Variants in PPP1R9A observed in about 807,000 individuals in gnomAD.
The protein encoded by PPP1R9A is protein phosphatase 1 regulatory subunit 9A, also known as neurabin-1.
A neutral mutation model predicts 141.9 loss-of-function variants in PPP1R9A; 59 were observed. That is an observed-to-expected ratio of 0.42 (90% CI 0.34 to 0.52). The LOEUF is 0.52. PPP1R9A is among the 20% of genes least tolerant of loss of function. The pLI is 0.10. For synonymous variants in PPP1R9A, 500 were observed against 569.7 expected (o/e 0.88, Z 1.74); for missense variants, 1,444 against 1,611.9 (o/e 0.90, Z 1.78).
chr7:95,024,856 A>G (rs1806572328), intron 2 of PPP1R9A, among the ~76,000 whole-genome samples: 1 of 152,102 alleles, frequency 6.6e-6, no homozygotes. Flanking sequence ...TAGTTGATGC[A>G]GTTTCTTCCT....
chr7:94,961,867 T>A (rs1319633182), intron 2 of PPP1R9A, among the ~76,000 whole-genome samples: 2 of 151,896 alleles, frequency 1.3e-5, no homozygotes, highest in Non-Finnish European at 2.9e-5. Flanking sequence ...TGTCAGAGGG[T>A]GGTCATTTTG....
At position 95,269,473 on chromosome 7, in the gene PPP1R9A, C is replaced by G. The variant is rs372421329; in HGVS notation, c.3090C>G (p.His1030Gln). The change falls in exon 14 of 20, where the codon CAC becomes CAG. Residue 1030 changes from histidine to glutamine, a missense_variant. This residue lies in a region of PPP1R9A where 459 missense variants were observed against 513.8 expected (regional missense o/e 0.89). Coordinates refer to ENST00000433360, the MANE Select transcript of PPP1R9A (RefSeq NM_001166160.2). ...ATGTGGAAGAATCTCCTTGCCATCA[C>G]CAAACCACCAACAAGAAAATATTAC... ...DHDVEESPCH[H>Q]QTTNKKILRE... The G allele has an allele frequency of 1.3e-6, 2 of 1,582,660 alleles. No homozygotes were observed. Among genetic ancestry groups the G allele is most frequent in the African/African-American group, 1.3e-5 (1 of 74,452 alleles).
chr7:95,188,602 T>G (rs1834999091), intron 5 of PPP1R9A, among the ~76,000 whole-genome samples: 1 of 27,770 alleles, frequency 3.6e-5, no homozygotes, highest in Non-Finnish European at 6.4e-5. Context: ...TGTGTTTTGT[T>G]TTTTTTTTTT....
chr7:95,045,314 T>C (rs775227850), intron 2 of PPP1R9A, among the ~76,000 whole-genome samples: 21 of 152,172 alleles, frequency 1.4e-4, no homozygotes, highest in Non-Finnish European at 2.6e-4. Flanking sequence ...AACGGGCACT[T>C]TGGAGGTCAA....
At chr7:95,139,361 C>T (rs1217141725) in intron 4 of PPP1R9A, among the ~76,000 whole-genome samples, 3 of 152,166 alleles carry the variant, frequency 2.0e-5, no homozygotes, top group Non-Finnish European at 4.4e-5. Flanking sequence ...CCCCATGATT[C>T]AATTACCTCC....
intron 2 of PPP1R9A, among the ~76,000 whole-genome samples, chr7:94,956,728 T>A (rs189547050): frequency 1.3e-5 from 2 of 152,110 alleles, no homozygotes; most frequent in African/African-American, 4.8e-5. Flanking sequence ...AAAAGTGGTA[T>A]GTAGAGATGG....
At chr7:94,908,664 C>CCCCCGCCTCCTTGGGTTGG (rs1791087167) in intron 1 of PPP1R9A, 1 of 152,266 alleles carries the variant, frequency 6.6e-6, no homozygotes, top group African/African-American at 2.4e-5. Flanking sequence ...ATCTCCCCCG[C>CCCCCGCCTCCTTGGGTTGG]CCCCGCCTCC....
intron 2 of PPP1R9A, among the ~76,000 whole-genome samples, chr7:95,052,831 C>T (rs1811006050): frequency 1.3e-5 from 2 of 152,122 alleles, no homozygotes; most frequent in African/African-American, 2.4e-5. Context: ...TTTCCCTCAC[C>T]TTATGTGTCC....
intron 2 of PPP1R9A, among the ~76,000 whole-genome samples, chr7:95,004,905 C>T (rs779385334): frequency 6.6e-6 from 1 of 152,192 alleles, no homozygotes; most frequent in Non-Finnish European, 1.5e-5. Context: ...CATATCTTAA[C>T]AAAGATCTGT....
chr7:95,216,105 G>A (rs575123351), intron 7 of PPP1R9A, among the ~76,000 whole-genome samples: 2 of 152,216 alleles, frequency 1.3e-5, no homozygotes, highest in East Asian at 3.9e-4. Flanking sequence ...TATGGTTTTA[G>A]GTCTAACATT....
At chr7:95,152,782 C>T (rs1186938525) in intron 4 of PPP1R9A, among the ~76,000 whole-genome samples, 4 of 151,582 alleles carry the variant, frequency 2.6e-5, no homozygotes, top group Non-Finnish European at 5.9e-5. Context: ...ATAATAATGC[C>T]TATCATGCAC....
intron 2 of PPP1R9A, among the ~76,000 whole-genome samples, chr7:95,008,900 C>G (rs1249567240): frequency 6.6e-6 from 1 of 152,060 alleles, no homozygotes; most frequent in Non-Finnish European, 1.5e-5. Flanking sequence ...TGGAACCAAC[C>G]CAAATGTCCA....
chr7:95,206,660 C>T (rs1790863871), intron 7 of PPP1R9A, among the ~76,000 whole-genome samples: 1 of 152,108 alleles, frequency 6.6e-6, no homozygotes, highest in African/African-American at 2.4e-5. Flanking sequence ...TTCTCCAATT[C>T]TAGAATGTAA....
At chr7:95,101,544 C>T (rs1818799211) in intron 2 of PPP1R9A, among the ~76,000 whole-genome samples, 1 of 152,150 alleles carries the variant, frequency 6.6e-6, no homozygotes, top group Admixed American at 6.5e-5. Flanking sequence ...AGTAAAATGG[C>T]TCAGTCAAGA....
chr7:95,288,693 T>A lies in PPP1R9A; in HGVS notation c.3887T>A (p.Leu1296Gln). Residue 1296 changes from leucine to glutamine, a missense_variant, in exon 19 of 20, where the codon CTG becomes CAG. Physicochemically the swap from Leu to Gln is moderately radical, Grantham distance 113. Coordinates refer to ENST00000433360, the MANE Select transcript of PPP1R9A (RefSeq NM_001166160.2). Reference protein sequence around the residue: ...SAQNITGEQLLQLDGNKLKAL... With the variant: ...SAQNITGEQLQQLDGNKLKAL... ...CAAAACATCACTGGAGAACAGCTCC[T>A]GCAGTTGGATGGAAATAAACTTAAG... The A allele has an allele frequency of 6.2e-7, 1 of 1,613,930 alleles. No individual in the cohort carries two copies. The highest frequency in any genetic ancestry group is 8.5e-7 in the Non-Finnish European group (1 of 1,179,960).
chr7:95,158,688 T>G (rs901303725), intron 4 of PPP1R9A, among the ~76,000 whole-genome samples: 2 of 152,180 alleles, frequency 1.3e-5, no homozygotes, highest in African/African-American at 4.8e-5. Flanking sequence ...TGCAATATGT[T>G]TAAGGAAATA....
chr7:95,165,298 G>GATCAC (rs1831073924), intron 5 of PPP1R9A, among the ~76,000 whole-genome samples: 1 of 152,172 alleles, frequency 6.6e-6, no homozygotes, highest in Admixed American at 6.5e-5. Flanking sequence ...AGGCACTGTG[G>GATCAC]CTTTCATCCT....
intron 5 of PPP1R9A, among the ~76,000 whole-genome samples, chr7:95,195,829 T>C (rs1836190271): frequency 6.6e-6 from 1 of 151,960 alleles, no homozygotes; most frequent in Non-Finnish European, 1.5e-5. Context: ...AGTGAGAGGA[T>C]CACTTGAGGC....
At chr7:95,097,055 T>C (rs939686791) in intron 2 of PPP1R9A, among the ~76,000 whole-genome samples, 1 of 152,074 alleles carries the variant, frequency 6.6e-6, no homozygotes, top group African/African-American at 2.4e-5. Flanking sequence ...TTTTTCCTTT[T>C]TTTTCCTGTC....
Sources: gnomAD v4.1 joint callset for allele counts (sites outside exome capture counted in the v4.1 genomes callset) on GRCh38, gnomAD v4.1.1 for gene constraint, gnomAD v4.1.1 regional missense constraint, MANE v1.5 for transcripts, NCBI Gene and HGNC (gene_info 2026-07-23, HGNC 2026-07-21) for gene names.